The following MRPL16 variants were observed in gnomAD, a reference collection of about 807,000 sequenced individuals.
The protein encoded by MRPL16 is large ribosomal subunit protein uL16m.
In MRPL16, 17 loss-of-function variants were observed where a neutral mutation model predicts 22.7. The observed-to-expected ratio is 0.75, with a 90% CI of 0.51 to 1.12. MRPL16 has a LOEUF of 1.12. Ranked by LOEUF, MRPL16 falls within the 50% of genes most tolerant of loss-of-function variation. MRPL16 has a pLI of 0.00. For missense variants in MRPL16, 316 were observed against 328.7 expected, an observed-to-expected ratio of 0.96 and a Z score of 0.30; for synonymous variants, 103 against 112.8, an observed-to-expected ratio of 0.91 and a Z score of 0.55.
intron 1 of MRPL16, 96 bp from the exon 2 acceptor site, chr11:59,810,016 AT>A: frequency 3.8e-6 from 4 of 1,062,830 alleles, no homozygotes; most frequent in Non-Finnish European, 4.0e-6. Flanking sequence ...TATTTATTTT[AT>A]TTTTTTGAGA....
rs772309810 is a variant in MRPL16 at position 59,807,848 on chromosome 11, A to G, written c.123T>C (p.Asp41=). Residue 41 remains aspartate, a splice_region_variant and synonymous_variant, in exon 3 of 4, where the codon GAT becomes GAC. Transcript: ENST00000300151. The part of the protein sequence containing the change: ...KTLLPVPSFE[D]VSIPEKPKLR... ...GCTTGGGTTTTTCAGGAATGGAAAC[A>G]TCTAAAAGAAGCACAGACAACCAGG... The G allele has an allele frequency of 1.2e-6, 2 of 1,603,504 alleles. No individual in the cohort carries two copies. The highest frequency in any genetic ancestry group is 2.3e-5 in the South Asian group (2 of 88,532).
At chr11:59,809,306 G>GA (rs141023399) in intron 2 of MRPL16, among the ~76,000 whole-genome samples, 7,549 of 150,108 alleles carry the variant, frequency 0.05, 237 homozygotes, top group African/African-American at 0.072. Flanking sequence ...AAAAGTTCAG[G>GA]TTTTTTTTTT....
At chr11:59,809,713 C>T in intron 2 of MRPL16, 142 bp downstream of exon 2, 2 of 822,080 alleles carry the variant, frequency 2.4e-6, no homozygotes, top group South Asian at 1.6e-5. Flanking sequence ...TATTAGTTGG[C>T]AAAACTGTAA....
intron 1 of MRPL16, 161 bp downstream of exon 1, chr11:59,810,443 C>G (rs1866162277): frequency 6.8e-7 from 1 of 1,465,226 alleles, no homozygotes; most frequent in Non-Finnish European, 9.0e-7. Flanking sequence ...GACCCTCTTG[C>G]ACGAACCCCT....
At position 59,806,314 on chromosome 11, in the gene MRPL16, C is replaced by T. The variant is rs1387773970; in HGVS notation, c.*33G>A. ...GAATAGAAATGCAGAATCCTTCTTT[C>T]AGTAGCCTATATACAGTTATCTCCT... On this transcript the variant is annotated 3_prime_UTR_variant, in exon 4 of 4. Transcript: ENST00000300151. The T allele has an allele frequency of 6.3e-7, 1 of 1,591,522 alleles. No individual in the cohort carries two copies. Among genetic ancestry groups the T allele is most frequent in the Non-Finnish European group, 8.6e-7 (1 of 1,164,876 alleles).
At position 59,806,675 on chromosome 11, in the gene MRPL16, C is replaced by T; in HGVS notation, c.428G>A (p.Gly143Asp). The change falls in exon 4 of 4, where the codon GGC becomes GAC. Residue 143 changes from glycine to aspartate, a missense_variant. Transcript: ENST00000300151. Reference sequence around the variant, plus strand: ...CACGTAGTGGTCAATAGCACCTTTGCCTCCCCCCATGCGATGCCCAACACT... The same window carrying T: ...CACGTAGTGGTCAATAGCACCTTTGTCTCCCCCCATGCGATGCCCAACACT... ...RKSVGHRMGG[G>D]KGAIDHYVTP... 1 of 1,614,196 alleles carries T rather than the reference C, an allele frequency of 6.2e-7. No homozygotes were observed. The highest frequency in any genetic ancestry group is 8.5e-7 in the Non-Finnish European group (1 of 1,180,044).
chr11:59,807,965 G>A (rs1002561490), intron 2 of MRPL16, 116 bp from the exon 3 acceptor site: 2 of 1,239,688 alleles, frequency 1.6e-6, no homozygotes, highest in Non-Finnish European at 2.2e-6. Context: ...TCATTTTTTG[G>A]TAGAGACAGG....
intron 1 of MRPL16, 103 bp downstream of exon 1, chr11:59,810,501 A>G (rs976206004): frequency 7.0e-6 from 11 of 1,561,096 alleles, no homozygotes; most frequent in Middle Eastern, 1.7e-4. Flanking sequence ...CCAGTGCTTC[A>G]CCAAGCATAT....
At position 59,810,727 on chromosome 11, in the gene MRPL16, G is replaced by C; in HGVS notation, c.-69C>G. On this transcript the variant is annotated 5_prime_UTR_variant, in exon 1 of 4. Coordinates refer to ENST00000300151, the MANE Select transcript of MRPL16 (RefSeq NM_017840.4). ...GCTGTCTCCTGCACCCAGGTAAGCA[G>C]CGGCGCTCCACTACCTAGCTGTAAT... 1 of 1,587,234 alleles carries C rather than the reference G, an allele frequency of 6.3e-7. No homozygotes were observed. The highest frequency in any genetic ancestry group is 8.6e-7 in the Non-Finnish European group (1 of 1,157,328).
rs1018686972 is a variant in MRPL16, at chr11:59,810,463, G to A, written c.55+141C>T. 7.4e-6 allele frequency: 11 copies of A among 1,492,360 alleles called. No homozygotes were observed. The African/African-American group carries it at 1.5e-4, about 21-fold the overall frequency. The allele number at this position is 1,492,360 out of a possible 1,614,324, so 92.4% of individuals were successfully genotyped here. On this transcript the variant is annotated intron_variant, in intron 1 of 3. Coordinates refer to ENST00000300151, the MANE Select transcript of MRPL16 (RefSeq NM_017840.4). Reference sequence around the variant, plus strand: ...TCTTGCACGAACCCCTACGGTGGAGGTCGGCGGTGCGATAGCGTAGTTCCT... The same window carrying A: ...TCTTGCACGAACCCCTACGGTGGAGATCGGCGGTGCGATAGCGTAGTTCCT...
intron 2 of MRPL16, 143 bp downstream of exon 2, chr11:59,809,712 G>A (rs180845345): frequency 7.6e-5 from 61 of 806,952 alleles, no homozygotes; most frequent in Admixed American, 2.9e-4. Context: ...ATATTAGTTG[G>A]CAAAACTGTA....
chr11:59,807,655 T>C (rs1023019501), intron 3 of MRPL16, 46 bp downstream of exon 3: 7 of 1,563,884 alleles, frequency 4.5e-6, no homozygotes, highest in Admixed American at 2.0e-5. Flanking sequence ...GATTTTGTTA[T>C]TCCCTAGCTT....
At chr11:59,810,413 C>G (rs1011886955) in intron 1 of MRPL16, 191 bp downstream of exon 1, 1 of 1,407,900 alleles carries the variant, frequency 7.1e-7, no homozygotes, top group African/African-American at 1.5e-5. Context: ...CTCTGGGCGC[C>G]GACTCCCAGA....
Position 59,806,246 on chromosome 11 carries a change from T to C in MRPL16, c.*101A>G. Reference sequence around the variant, plus strand: ...CTACTCAAATGCTGCTCCTTAGTTATGGCTTAAGAGCTACCCAAAGACTTC... The same window carrying C: ...CTACTCAAATGCTGCTCCTTAGTTACGGCTTAAGAGCTACCCAAAGACTTC... On this transcript the variant is annotated 3_prime_UTR_variant, in exon 4 of 4. Transcript: ENST00000300151. 5 of 1,318,592 alleles carry C rather than the reference T, an allele frequency of 3.8e-6. No homozygotes were observed. The highest frequency in any genetic ancestry group is 2.3e-5 in the East Asian group (1 of 42,848). The allele number at this position is 1,318,592 out of a possible 1,614,324, so 81.7% of individuals were successfully genotyped here.
At position 59,806,620 on chromosome 11, in the gene MRPL16, TACA is replaced by T; in HGVS notation, c.480_482del (p.Val161del). On this transcript the variant is annotated inframe_deletion, in exon 4 of 4. Coordinates refer to ENST00000300151, the MANE Select transcript of MRPL16 (RefSeq NM_017840.4). ...CAAATTCACAACGCCCACCCATCTC[TACA>T]ACAAGGCGGCCAGCCTTCACAGGTG... 4.3e-6 allele frequency: 7 copies of T among 1,614,204 alleles called. No individual in the cohort carries two copies. Among genetic ancestry groups the T allele is most frequent in the Non-Finnish European group, 5.9e-6 (7 of 1,180,040 alleles).
chr11:59,810,298 C>G, intron 1 of MRPL16: 1 of 1,276,826 alleles, frequency 7.8e-7, no homozygotes, highest in Non-Finnish European at 9.9e-7. Flanking sequence ...CGTGAGCCAC[C>G]GCGCCCGCCC....
chr11:59,806,705 C>T lies in MRPL16; in HGVS notation c.398G>A (p.Arg133His), dbSNP rs150326647. The change falls in exon 4 of 4, where the codon CGC becomes CAC. Residue 133 changes from arginine to histidine, a missense_variant. Physicochemically the swap from Arg to His is conservative, Grantham distance 29 (BLOSUM62 0). Coordinates refer to ENST00000300151, the MANE Select transcript of MRPL16 (RefSeq NM_017840.4). ...RVPAPFKPIT[R>H]KSVGHRMGGG... ...CCCCATGCGATGCCCAACACTTTTG[C>T]GAGTGATGGGCTTGAAAGGGGCTGG... is the stretch of plus-strand genomic sequence containing the variant. 1.9e-5 allele frequency: 30 copies of T among 1,614,126 alleles called. No individual in the cohort carries two copies. The highest frequency in any genetic ancestry group is 1.2e-4 in the Admixed American group (7 of 60,016).
chr11:59,810,668 C>G lies in MRPL16; in HGVS notation c.-10G>C, dbSNP rs763405372. On this transcript the variant is annotated 5_prime_UTR_variant, in exon 1 of 4. Coordinates refer to ENST00000300151, the MANE Select transcript of MRPL16 (RefSeq NM_017840.4). ...CCAGCAGCCTCCACATGGTCACGGG[C>G]GTCCGGCGGCGCGGAGCTCCCCCAG... 1 of 1,613,724 alleles carries G rather than the reference C, an allele frequency of 6.2e-7. No homozygotes were observed. The highest frequency in any genetic ancestry group is 8.5e-7 in the Non-Finnish European group (1 of 1,179,814).
chr11:59,809,771 G>A (rs985730134), intron 2 of MRPL16, 84 bp downstream of exon 2: 4 of 1,209,764 alleles, frequency 3.3e-6, no homozygotes, highest in African/African-American at 3.1e-5. Context: ...TGGGAAACAC[G>A]AGAACATTCC....
Sources: allele counts gnomAD v4.1 joint callset (sites outside exome capture counted in the v4.1 genomes callset), GRCh38; gene constraint gnomAD v4.1.1; transcripts MANE v1.5; gene names NCBI Gene and HGNC (gene_info 2026-07-23, HGNC 2026-07-21).